TRIM66: variants seen among roughly 807,000 people sequenced by gnomAD.
TRIM66 encodes the protein tripartite motif-containing protein 66.
A neutral mutation model predicts 148.2 loss-of-function variants in TRIM66; 99 were observed. That is an observed-to-expected ratio of 0.67 (90% confidence interval 0.57 to 0.79). The LOEUF is 0.79. Ranked by LOEUF, TRIM66 falls within the 30% of genes least tolerant of loss-of-function variation. The probability of loss-of-function intolerance (pLI) is 0.00; values close to 1 mark genes in which losing one functional copy is unlikely to be tolerated. For missense variants in TRIM66, 1,666 were observed against 1,697.9 expected, an observed-to-expected ratio of 0.98 and a Z score of 0.33; for synonymous variants, 616 against 635.9, an observed-to-expected ratio of 0.97 and a Z score of 0.47.
At position 8,640,746 on chromosome 11, in the gene TRIM66, T is replaced by G. The variant is rs753962734; in HGVS notation, c.1629A>C (p.Thr543=). 5 of 1,551,450 alleles carry G rather than the reference T, an allele frequency of 3.2e-6. No homozygotes were observed. The highest frequency in any genetic ancestry group is 4.4e-6 in the Non-Finnish European group (5 of 1,146,968). ...ETQPPVEQES[T]SQRLGQQLTS... ...TCAGCTGCTGCCCCAGCCGCTGGGA[T>G]GTGCTCTCCTGCTCCACGGGGGGCT... The change falls in exon 14 of 25, where the codon ACA becomes ACC. Residue 543 remains threonine (T), a synonymous_variant. Coordinates refer to ENST00000646038, the MANE Select transcript of TRIM66 (RefSeq NM_001388022.1).
rs11042022 is a variant in TRIM66, at chr11:8,640,543, T to A, written c.1832A>T (p.His611Leu). 1.1e-5 allele frequency: 16 copies of A among 1,483,098 alleles called. No individual in the cohort carries two copies. Among genetic ancestry groups the A allele is most frequent in the African/African-American group, 5.1e-5 (3 of 59,398 alleles). The allele number at this position is 1,483,098 out of a possible 1,614,324, so 91.9% of individuals were successfully genotyped here. A position where few individuals can be genotyped will look rare whatever the true frequency, so the allele number is the denominator to read the frequency against. Residue 611 changes from histidine (H) to leucine (L), a missense_variant, in exon 14 of 25, where the codon CAT becomes CTT. Around this residue, in one of 3 missense-constraint regions of TRIM66, gnomAD observed 1,431 missense variants for 1,412.4 expected, o/e 1.01. Transcript: ENST00000646038. ...QLPPPPPPLP[H>L]PPPPLPPPPQ... ...GGGAGGGGGAAGGGGAGGTGGGGGA[T>A]GGGGGAGGGGTGGTGGTGGAGGTGG...
intron 6 of TRIM66, among the ~76,000 whole-genome samples, chr11:8,662,361 G>T (rs962293894): frequency 2.0e-5 from 3 of 152,146 alleles, no homozygotes; most frequent in African/African-American, 7.2e-5. Context: ...TGATTCTAAG[G>T]TTGTAGCATC....
At chr11:8,630,487 A>G (rs1433967366) in intron 15 of TRIM66, among the ~76,000 whole-genome samples, 1 of 152,256 alleles carries the variant, frequency 6.6e-6, no homozygotes, top group Non-Finnish European at 1.5e-5. Context: ...AGGAAAAGGT[A>G]TATTTTGAGA....
chr11:8,618,676 T>C, intron 24 of TRIM66, 74 bp downstream of exon 24: 2 of 1,372,060 alleles, frequency 1.5e-6, no homozygotes, highest in South Asian at 2.6e-5. Flanking sequence ...CAGCTTCACC[T>C]TAGGTTCTGC....
chr11:8,644,054 CTA>C (rs1351322046), intron 12 of TRIM66, among the ~76,000 whole-genome samples: 1 of 152,200 alleles, frequency 6.6e-6, no homozygotes, highest in African/African-American at 2.4e-5. Flanking sequence ...ACCATTCTAC[CTA>C]TGAGACCTTT....
At chr11:8,628,636 A>AAAAAAAAAAAAAAACAGAGAGAG (rs1555042270) in intron 15 of TRIM66, among the ~76,000 whole-genome samples, 1 of 93,340 alleles carries the variant, frequency 1.1e-5, no homozygotes, top group Non-Finnish European at 2.3e-5. Flanking sequence ...AAAAAAAAAA[A>AAAAAAAAAAAAAAACAGAGAGAG]AGAGAGAGAA....
chr11:8,634,084 T>C (rs896693096), intron 15 of TRIM66, among the ~76,000 whole-genome samples: 3 of 152,304 alleles, frequency 2.0e-5, no homozygotes, highest in African/African-American at 4.8e-5. Context: ...GGCTATGTTA[T>C]GAGCAGCAGA....
intron 8 of TRIM66, 106 bp downstream of exon 8, chr11:8,649,634 T>G: frequency 7.0e-7 from 1 of 1,429,822 alleles, no homozygotes; most frequent in African/African-American, 1.4e-5. Context: ...TGTCCCTACC[T>G]TCTCCCCCAG....
chr11:8,683,216 G>A (rs1039196189), upstream of TRIM66: 6 of 1,614,252 alleles, frequency 3.7e-6, no homozygotes, highest in South Asian at 1.1e-5. Flanking sequence ...CCAGACTGAG[G>A]AAGACCCGGA....
upstream of TRIM66, chr11:8,682,790 T>C (rs757521980): frequency 6.2e-7 from 1 of 1,613,486 alleles, no homozygotes; most frequent in Non-Finnish European, 8.5e-7. Flanking sequence ...GCGAAGGCCT[T>C]CCTTTTTCGT....
intron 6 of TRIM66, among the ~76,000 whole-genome samples, chr11:8,663,741 C>T (rs1466582187): frequency 6.6e-6 from 1 of 151,984 alleles, no homozygotes; most frequent in Non-Finnish European, 1.5e-5. Flanking sequence ...ACCTAAGTGT[C>T]TACTGATGAA....
intron 10 of TRIM66, among the ~76,000 whole-genome samples, chr11:8,647,725 T>G (rs765582667): frequency 7.9e-5 from 12 of 152,184 alleles, no homozygotes; most frequent in Admixed American, 3.3e-4. Context: ...AGGCATATTC[T>G]TTGACCCAGA....
intron 6 of TRIM66, among the ~76,000 whole-genome samples, chr11:8,660,914 C>CAT (rs1480231985): frequency 1.3e-5 from 2 of 152,148 alleles, no homozygotes; most frequent in Non-Finnish European, 1.5e-5. Flanking sequence ...AAGGCTACAA[C>CAT]ATATAGAGAA....
Position 8,671,978 on chromosome 11 carries a change from C to G in TRIM66, c.148G>C (p.Ala50Pro). The G allele has an allele frequency of 6.5e-7, 1 of 1,536,134 alleles. No homozygotes were observed. The highest frequency in any genetic ancestry group is 8.7e-7 in the Non-Finnish European group (1 of 1,146,918). ...CTCTTAGGGCAGTGTTTCTGGCCAG[C>G]TAGTGGCAGCCCCATAAAGCTCATG... ...MGMSFMGLPL[A>P]GQKHCPKSGQ... The change falls in exon 6 of 25, where the codon GCT becomes CCT. Residue 50 changes from alanine (A) to proline (P), a missense_variant. By Grantham distance (27) the Ala-to-Pro change is conservative. Around this residue, in one of 3 missense-constraint regions of TRIM66, gnomAD observed 1,431 missense variants for 1,412.4 expected, o/e 1.01. Coordinates refer to ENST00000646038, the MANE Select transcript of TRIM66 (RefSeq NM_001388022.1).
At chr11:8,620,892 A>G (rs2034146508) in intron 20 of TRIM66, 140 bp downstream of exon 20, 2 of 1,173,692 alleles carry the variant, frequency 1.7e-6, no homozygotes, top group African/African-American at 3.1e-5. Flanking sequence ...AGGCCCATTA[A>G]CTCACAGACC....
Position 8,671,983 on chromosome 11 carries a change from G to A in TRIM66, c.143C>T (p.Pro48Leu), listed in dbSNP as rs1247709209. 6.5e-7 allele frequency: 1 copy of A among 1,536,112 alleles called. No homozygotes were observed. Among genetic ancestry groups the A allele is most frequent in the South Asian group, 1.2e-5 (1 of 84,066 alleles). The change falls in exon 6 of 25, where the codon CCA (proline) becomes CTA (leucine). Residue 48 changes from proline to leucine, a missense_variant. Around this residue, in one of 3 missense-constraint regions of TRIM66, gnomAD observed 1,431 missense variants for 1,412.4 expected, o/e 1.01. Transcript: ENST00000646038. The part of the protein sequence containing the change: ...VDMGMSFMGL[P>L]LAGQKHCPKS... ...AGGGCAGTGTTTCTGGCCAGCTAGT[G>A]GCAGCCCCATAAAGCTCATGCCCAT... is the stretch of plus-strand genomic sequence containing the variant.
intron 6 of TRIM66, among the ~76,000 whole-genome samples, chr11:8,661,680 T>C (rs2038267377): frequency 1.3e-5 from 2 of 152,128 alleles, no homozygotes; most frequent in Admixed American, 1.3e-4. Flanking sequence ...ACCGATTATG[T>C]GGTTTTCAGC....
At chr11:8,662,628 C>A (rs530700295) in intron 6 of TRIM66, among the ~76,000 whole-genome samples, 1 of 152,226 alleles carries the variant, frequency 6.6e-6, no homozygotes, top group Non-Finnish European at 1.5e-5. Flanking sequence ...TCTGTGACTT[C>A]CAGCTACATC....
chr11:8,676,847 T>C (rs2039201636), intron 3 of TRIM66, among the ~76,000 whole-genome samples: 1 of 152,230 alleles, frequency 6.6e-6, no homozygotes, highest in African/African-American at 2.4e-5. Context: ...CTACAGGGGC[T>C]GGGCAATCTA....
Sources: allele counts gnomAD v4.1 joint callset (sites outside exome capture counted in the v4.1 genomes callset), GRCh38; gene constraint gnomAD v4.1.1; regional missense constraint gnomAD v4.1.1; transcripts MANE v1.5; gene names NCBI Gene and HGNC (gene_info 2026-07-23, HGNC 2026-07-21).